The following COMMD10 variants were observed in gnomAD, a reference collection of about 807,000 sequenced individuals.
The protein encoded by COMMD10 is COMM domain-containing protein 10.
COMMD10 carries 33 observed loss-of-function variants against 28.9 expected under a neutral mutation model. That is an observed-to-expected ratio of 1.14 (90% CI 0.87 to 1.53). The LOEUF (loss-of-function observed/expected upper bound fraction) is 1.53, where lower values mean the gene tolerates loss of function less well. Ranked by LOEUF, COMMD10 falls within the 40% of genes most tolerant of loss-of-function variation. The probability of loss-of-function intolerance (pLI) is 0.00; values close to 1 mark genes in which losing one functional copy is unlikely to be tolerated. For synonymous variants in COMMD10, 110 were observed against 81.7 expected (o/e 1.35, Z -1.87); for missense variants, 310 against 233.4 (o/e 1.33, Z -2.14).
intron 5 of COMMD10, among the ~76,000 whole-genome samples, chr5:116,146,362 GA>G (rs1183085699): frequency 6.6e-6 from 1 of 151,822 alleles, no homozygotes; most frequent in African/African-American, 2.4e-5. Context: ...ACTATATCCA[GA>G]AATCAATTAA....
chr5:116,088,711 C>T (rs1750203684), intron 2 of COMMD10, among the ~76,000 whole-genome samples: 2 of 152,124 alleles, frequency 1.3e-5, no homozygotes, highest in South Asian at 4.1e-4. Context: ...TCCTTCTTCC[C>T]CTTTACTGAG....
chr5:116,176,907 G>A (rs565553542), intron 5 of COMMD10, among the ~76,000 whole-genome samples: 2 of 152,244 alleles, frequency 1.3e-5, no homozygotes, highest in South Asian at 4.1e-4. Flanking sequence ...GCCTGAAGGA[G>A]GAGAGTATTT....
chr5:116,235,571 T>G (rs967619633), intron 5 of COMMD10, among the ~76,000 whole-genome samples: 4 of 152,184 alleles, frequency 2.6e-5, no homozygotes, highest in Non-Finnish European at 1.5e-5. Context: ...TCAGAGTTCT[T>G]GAAGGTCTGA....
rs143964154 is a variant in COMMD10 at position 116,225,353 on chromosome 5, G to GTTTTTTTTTTTTTTTTTTTTTTTTTT, written c.511-66164_511-66163insTTTTTTTTTTTTTTTTTTTTTTTTTT. On this transcript the variant is annotated intron_variant, in intron 5 of 6. Coordinates refer to ENST00000274458, the MANE Select transcript of COMMD10 (RefSeq NM_016144.4). ...AGACTTTCCTGTTTGTTTTTTTGGG[G>GTTTTTTTTTTTTTTTTTTTTTTTTTT]ATTTTTTTTTTTTTTTTTGCATATG... Among the ~76,000 whole-genome samples the GTTTTTTTTTTTTTTTTTTTTTTTTTT allele has an allele frequency of 7.7e-5, 9 of 116,512 alleles. 3 individuals are homozygous for GTTTTTTTTTTTTTTTTTTTTTTTTTT. The highest frequency in any genetic ancestry group is 3.4e-5 in the African/African-American group (1 of 29,344). The allele number at this position is 116,512 out of a possible 152,430, so 76.4% of individuals were successfully genotyped here. A position where few individuals can be genotyped will look rare whatever the true frequency, so the allele number is the denominator to read the frequency against.
chr5:116,116,323 C>T (rs1380577725), intron 4 of COMMD10, among the ~76,000 whole-genome samples: 1 of 152,000 alleles, frequency 6.6e-6, no homozygotes, highest in Non-Finnish European at 1.5e-5. Flanking sequence ...TTATTATTTT[C>T]TTTAATTTGA....
chr5:116,215,800 GT>G (rs2112638438), intron 5 of COMMD10, among the ~76,000 whole-genome samples: 1 of 144,854 alleles, frequency 6.9e-6, no homozygotes, highest in East Asian at 2.0e-4. Context: ...CTTCTCATTT[GT>G]TTATACTTTT....
chr5:116,189,425 T>G (rs1748271073), intron 5 of COMMD10, among the ~76,000 whole-genome samples: 1 of 152,150 alleles, frequency 6.6e-6, no homozygotes, highest in Non-Finnish European at 1.5e-5. Flanking sequence ...TAGGCTGTCT[T>G]TTTTCCAGCA....
At chr5:116,173,736 A>G (rs1196837769) in intron 5 of COMMD10, among the ~76,000 whole-genome samples, 1 of 152,104 alleles carries the variant, frequency 6.6e-6, no homozygotes, top group Non-Finnish European at 1.5e-5. Flanking sequence ...TAGAGATACA[A>G]ATAGAATTGC....
At chr5:116,153,656 G>T (rs1752610335) in intron 5 of COMMD10, among the ~76,000 whole-genome samples, 1 of 151,864 alleles carries the variant, frequency 6.6e-6, no homozygotes. Context: ...TTGGCCCAGA[G>T]GGCTGAAAAT....
chr5:116,121,002 C>CT (rs1751411983), intron 4 of COMMD10, among the ~76,000 whole-genome samples: 1 of 151,758 alleles, frequency 6.6e-6, no homozygotes, highest in Admixed American at 6.6e-5. Flanking sequence ...TTTAATTATA[C>CT]TTTAAGTTCT....
At chr5:116,169,310 C>G (rs1219526484) in intron 5 of COMMD10, among the ~76,000 whole-genome samples, 1 of 152,134 alleles carries the variant, frequency 6.6e-6, no homozygotes, top group East Asian at 1.9e-4. Flanking sequence ...TAAGATGAAT[C>G]TCTGAATAGA....
At chr5:116,240,329 G>A (rs1478426) in intron 5 of COMMD10, among the ~76,000 whole-genome samples, 90,523 of 151,858 alleles carry the variant, frequency 0.6, 31,155 homozygotes, top group South Asian at 0.77. Flanking sequence ...AAAGAATGGA[G>A]GCAAAGGAAA....
rs1750276758 is a variant in COMMD10, at chr5:116,090,998, G to A, written c.133-81G>A. ...TCTTTAAAGTTCTCATCTCATATAC[G>A]AATAAATGAATCTTCTGTCAAGTAT... On this transcript the variant is annotated intron_variant, in intron 2 of 6. Coordinates refer to ENST00000274458, the MANE Select transcript of COMMD10 (RefSeq NM_016144.4). 8.3e-5 allele frequency: 63 copies of A among 760,292 alleles called. No homozygotes were observed. In the South Asian group the frequency reaches 1.3e-3, roughly 15 times the overall value. The allele number at this position is 760,292 out of a possible 1,614,324, so 47.1% of individuals were successfully genotyped here. A position where few individuals can be genotyped will look rare whatever the true frequency, so the allele number is the denominator to read the frequency against.
At chr5:116,259,375 T>C (rs1160692488) in intron 5 of COMMD10, among the ~76,000 whole-genome samples, 1 of 151,784 alleles carries the variant, frequency 6.6e-6, no homozygotes, top group African/African-American at 2.4e-5. Flanking sequence ...GTCTTTTCCA[T>C]AATTGTTTTT....
chr5:116,263,086 G>T (rs112232465), intron 5 of COMMD10, among the ~76,000 whole-genome samples: 8 of 151,826 alleles, frequency 5.3e-5, no homozygotes, highest in African/African-American at 1.7e-4. Context: ...AAATGCTATG[G>T]TTGTGTAGAA....
intron 5 of COMMD10, among the ~76,000 whole-genome samples, chr5:116,250,207 G>A (rs975084249): frequency 5.9e-5 from 9 of 151,728 alleles, no homozygotes; most frequent in Non-Finnish European, 1.3e-4. Context: ...CTTTTAGTTT[G>A]TAAGGAGACT....
In COMMD10 at chr5:116,280,214, A is replaced by G. The variant is rs73784110; in HGVS notation, c.511-11303A>G. ...CCATTCACTAGTTTAACTTGCATAC[A>G]TAGGTGTACTTTTCAACATTCTTGA... On this transcript the variant is annotated intron_variant, in intron 5 of 6. Coordinates refer to ENST00000274458, the MANE Select transcript of COMMD10 (RefSeq NM_016144.4). Among the ~76,000 whole-genome samples, 279 of 151,976 alleles carry G rather than the reference A, an allele frequency of 1.8e-3. 4 individuals are homozygous for G. The highest frequency in any genetic ancestry group is 6.4e-3 in the African/African-American group (266 of 41,312).
intron 5 of COMMD10, among the ~76,000 whole-genome samples, chr5:116,166,328 C>G (rs1449741670): frequency 6.6e-6 from 1 of 152,144 alleles, no homozygotes; most frequent in African/African-American, 2.4e-5. Context: ...GTATAAGACT[C>G]TAAGTAGCCA....
At position 116,091,205 on chromosome 5, in the gene COMMD10, C is replaced by G. The variant is rs759345776; in HGVS notation, c.243+16C>G. 8.1e-5 allele frequency: 111 copies of G among 1,376,752 alleles called. No individual in the cohort carries two copies. The highest frequency in any genetic ancestry group is 7.6e-4 in the Middle Eastern group (4 of 5,286). The allele number at this position is 1,376,752 out of a possible 1,614,324, so 85.3% of individuals were successfully genotyped here. A position where few individuals can be genotyped will look rare whatever the true frequency, so the allele number is the denominator to read the frequency against. ...TTTAGAACAGGTATTTTTATTGCAT[C>G]AAATTTTCTAGCCATGATTTGTTTA... is the stretch of plus-strand genomic sequence containing the variant. On this transcript the variant is annotated intron_variant, in intron 3 of 6. Coordinates refer to ENST00000274458, the MANE Select transcript of COMMD10 (RefSeq NM_016144.4).
Sources: gnomAD v4.1 joint callset for allele counts (sites outside exome capture counted in the v4.1 genomes callset) on GRCh38, gnomAD v4.1.1 for gene constraint, MANE v1.5 for transcripts, NCBI Gene and HGNC (gene_info 2026-07-23, HGNC 2026-07-21) for gene names.